SLC4A8: variants seen among roughly 807,000 people sequenced by gnomAD.
The protein encoded by SLC4A8 is electroneutral sodium bicarbonate exchanger 1.
A neutral mutation model predicts 125.0 loss-of-function variants in SLC4A8; 40 were observed. The observed-to-expected ratio is 0.32, with a 90% CI of 0.25 to 0.42. The LOEUF is 0.42. SLC4A8 is among the 10% of genes least tolerant of loss of function. The pLI, the probability that SLC4A8 is intolerant of heterozygous loss-of-function variation, is 1.00. For missense variants in SLC4A8, 863 were observed against 1,355.1 expected, an observed-to-expected ratio of 0.64 and a Z score of 5.70; for synonymous variants, 456 against 476.0, an observed-to-expected ratio of 0.96 and a Z score of 0.55.
intron 5 of SLC4A8, among the ~76,000 whole-genome samples, chr12:51,454,030 C>T (rs1950051310): frequency 6.6e-6 from 1 of 152,214 alleles, no homozygotes; most frequent in Non-Finnish European, 1.5e-5. Flanking sequence ...GGTGCAGTGG[C>T]TCACACCTGT....
intron 5 of SLC4A8, among the ~76,000 whole-genome samples, chr12:51,456,296 T>A (rs1402344234): frequency 1.3e-5 from 2 of 152,092 alleles, no homozygotes; most frequent in Non-Finnish European, 2.9e-5. Flanking sequence ...AATATAAAGG[T>A]TAAAAATACA....
chr12:51,510,501 T>A lies in SLC4A8; in HGVS notation c.*3063T>A, dbSNP rs951452701. On this transcript the variant is annotated 3_prime_UTR_variant, in exon 25 of 25. Transcript: ENST00000453097. ...TCGAATGCATGAATGATATATCAAT[T>A]TGAAGTTTCTCGACCTTTCCATCAA... 1.3e-5 allele frequency: 2 copies of A among 152,134 alleles called. No individual in the cohort carries two copies. Among genetic ancestry groups the A allele is most frequent in the Non-Finnish European group, 2.9e-5 (2 of 68,020 alleles). The allele number at this position is 152,134 out of a possible 1,614,324, so 9.4% of individuals were successfully genotyped here.
intron 2 of SLC4A8, among the ~76,000 whole-genome samples, chr12:51,447,847 G>T (rs1486471115): frequency 6.6e-6 from 1 of 151,416 alleles, no homozygotes; most frequent in East Asian, 1.9e-4. Context: ...CTCCTAAGTA[G>T]CTGGGACTAC....
chr12:51,406,946 T>C (rs1207933040), intron 1 of SLC4A8, among the ~76,000 whole-genome samples: 1 of 152,236 alleles, frequency 6.6e-6, no homozygotes, highest in Non-Finnish European at 1.5e-5. Context: ...TGGAGTGATA[T>C]CTTATCCTGG....
At chr12:51,489,175 G>C (rs958679595) in intron 18 of SLC4A8, among the ~76,000 whole-genome samples, 4 of 152,210 alleles carry the variant, frequency 2.6e-5, no homozygotes, top group African/African-American at 9.7e-5. Context: ...TGAGGTTCAG[G>C]TGGGGGCCTG....
intron 1 of SLC4A8, among the ~76,000 whole-genome samples, chr12:51,435,762 T>C (rs192658980): frequency 6.9e-4 from 105 of 152,320 alleles, no homozygotes; most frequent in African/African-American, 2.5e-3. Flanking sequence ...CCCCTTTAAA[T>C]TGGCTCCTGA....
chr12:51,513,969 A>T lies in SLC4A8; in HGVS notation c.*6531A>T, dbSNP rs187210066. 2 of 152,188 alleles carry T rather than the reference A, an allele frequency of 1.3e-5. No individual in the cohort carries two copies. Among genetic ancestry groups the T allele is most frequent in the Non-Finnish European group, 2.9e-5 (2 of 68,036 alleles). The allele number at this position is 152,188 out of a possible 1,614,324, so 9.4% of individuals were successfully genotyped here. A position where few individuals can be genotyped will look rare whatever the true frequency, so the allele number is the denominator to read the frequency against. On this transcript the variant is annotated 3_prime_UTR_variant, in exon 25 of 25. Coordinates refer to ENST00000453097, the MANE Select transcript of SLC4A8 (RefSeq NM_001039960.3). ...TCCAGACTTCCCTCTTAGTAAAGGA[A>T]TTCATAATTCTCCCTGCATCTTCTC...
At chr12:51,448,980 C>G (rs1949877261) in intron 2 of SLC4A8, among the ~76,000 whole-genome samples, 1 of 151,874 alleles carries the variant, frequency 6.6e-6, no homozygotes, top group African/African-American at 2.4e-5. Context: ...AAACCTATGG[C>G]AGGGATGGAT....
In SLC4A8 at chr12:51,424,958, C is replaced by G; in HGVS notation, c.-30C>G. On this transcript the variant is annotated 5_prime_UTR_variant, in exon 1 of 25. Coordinates refer to ENST00000453097, the MANE Select transcript of SLC4A8 (RefSeq NM_001039960.3). ...CGGGCTGCTGATGCTTGGCTTGGAG[C>G]CCGTGGGGGAGACCTAGTTCGGCTC... The G allele has an allele frequency of 6.5e-7, 1 of 1,550,046 alleles. No individual in the cohort carries two copies. The highest frequency in any genetic ancestry group is 8.7e-7 in the Non-Finnish European group (1 of 1,146,678).
Position 51,405,157 on chromosome 12 carries a change from G to A in SLC4A8, c.-112+13669G>A, listed in dbSNP as rs963993253. ...AGGTGGGAACACATTGGATTGGAAG[G>A]GATGGACCACCCATCCTTGTGGGCT... On this transcript the variant is annotated intron_variant, in intron 1 of 24. Transcript: ENST00000358657. 2.6e-5 allele frequency among the ~76,000 whole-genome samples: 4 copies of A among 152,300 alleles called. 1 individual carries two copies. The highest frequency in any genetic ancestry group is 4.1e-4 in the South Asian group (2 of 4,820).
intron 22 of SLC4A8, among the ~76,000 whole-genome samples, chr12:51,503,009 T>A (rs1301207142): frequency 2.0e-5 from 3 of 150,694 alleles, no homozygotes; most frequent in Admixed American, 6.6e-5. Context: ...GCCCGGCTAA[T>A]TTTTTGTATT....
chr12:51,469,027 T>C, intron 11 of SLC4A8: 1 of 152,776 alleles, frequency 6.5e-6, no homozygotes, highest in East Asian at 1.9e-4. Context: ...CAATACTGCC[T>C]GTCTCCTGCA....
Position 51,489,684 on chromosome 12 carries a change from C to G in SLC4A8, c.2449-16C>G, listed in dbSNP as rs773094937. 1.2e-6 allele frequency: 2 copies of G among 1,613,820 alleles called. No individual in the cohort carries two copies. Among genetic ancestry groups the G allele is most frequent in the East Asian group, 2.2e-5 (1 of 44,876 alleles). On this transcript the variant is annotated splice_polypyrimidine_tract_variant and intron_variant, in intron 18 of 24. Transcript: ENST00000453097. ...GCTAGCCTACTGATGGTGACAAAGA[C>G]TCTGTTTCCCCACAGAAAGGCTGTG... is the stretch of plus-strand genomic sequence containing the variant.
At chr12:51,500,956 G>A (rs897992684) in intron 22 of SLC4A8, among the ~76,000 whole-genome samples, 1 of 150,524 alleles carries the variant, frequency 6.6e-6, no homozygotes, top group African/African-American at 2.4e-5. Flanking sequence ...GTATACATGT[G>A]CCATGTTGGC....
intron 11 of SLC4A8, among the ~76,000 whole-genome samples, chr12:51,468,576 G>A (rs1435234697): frequency 6.6e-6 from 1 of 152,096 alleles, no homozygotes; most frequent in Non-Finnish European, 1.5e-5. Flanking sequence ...TGGCTAACAC[G>A]GTGAAACCCC....
chr12:51,475,147 A>G lies in SLC4A8; in HGVS notation c.2113A>G (p.Thr705Ala). 2 of 1,613,812 alleles carry G rather than the reference A, an allele frequency of 1.2e-6. No homozygotes were observed. Among genetic ancestry groups the G allele is most frequent in the Non-Finnish European group, 8.5e-7 (1 of 1,179,914 alleles). The change falls in exon 16 of 25, where the codon ACC (threonine) becomes GCC (alanine). Residue 705 changes from threonine to alanine, a missense_variant. Around this residue, in one of 6 missense-constraint regions of SLC4A8, gnomAD observed 197 missense variants for 377.7 expected, o/e 0.52. Coordinates refer to ENST00000453097, the MANE Select transcript of SLC4A8 (RefSeq NM_001039960.3). ...LFWSCILFFT[T>A]FILSSTLKTF... ...TTGGTCCTGTATTCTCTTTTTCACC[A>G]CCTTCATCCTCTCAAGCACCTTAAA...
chr12:51,435,900 G>A (rs905565150), intron 1 of SLC4A8, among the ~76,000 whole-genome samples: 2 of 152,118 alleles, frequency 1.3e-5, no homozygotes, highest in Non-Finnish European at 2.9e-5. Flanking sequence ...AGGGAGCTCT[G>A]ATTCCTTTTA....
At chr12:51,475,357 G>T in intron 16 of SLC4A8, 151 bp downstream of exon 16, 1 of 739,364 alleles carries the variant, frequency 1.4e-6, no homozygotes, top group East Asian at 2.5e-5. Flanking sequence ...CTAGTGTCTG[G>T]CAGCCTCTTT....
At chr12:51,401,376 A>G (rs927010293) in intron 1 of SLC4A8, among the ~76,000 whole-genome samples, 1 of 152,180 alleles carries the variant, frequency 6.6e-6, no homozygotes, top group Admixed American at 6.5e-5. Context: ...AGCTCTCAGT[A>G]GATAGGGGAG....
Sources: gnomAD v4.1 joint callset for allele counts (sites outside exome capture counted in the v4.1 genomes callset) on GRCh38, gnomAD v4.1.1 for gene constraint, gnomAD v4.1.1 regional missense constraint, MANE v1.5 for transcripts, NCBI Gene and HGNC (gene_info 2026-07-23, HGNC 2026-07-21) for gene names.